Variants in GRK4 observed in about 807,000 individuals in gnomAD.
GRK4 encodes G protein-coupled receptor kinase 2-like.
In GRK4, 73 loss-of-function variants were observed where a neutral mutation model predicts 77.9. The observed-to-expected ratio is 0.94, with a 90% CI of 0.78 to 1.14. The LOEUF is 1.14. GRK4 is among the 50% of genes most tolerant of loss of function. The probability of loss-of-function intolerance (pLI) is 0.00; values close to 1 mark genes in which losing one functional copy is unlikely to be tolerated. For synonymous variants in GRK4, 257 were observed against 254.4 expected (o/e 1.01, Z -0.10); for missense variants, 729 against 700.2 (o/e 1.04, Z -0.46).
At chr4:3,035,651 TG>T in intron 13 of GRK4, 128 bp downstream of exon 13, 1 of 1,011,018 alleles carries the variant, frequency 9.9e-7, no homozygotes, top group Non-Finnish European at 1.4e-6. Flanking sequence ...CTTGCACTCC[TG>T]GCCTCAAGTG....
chr4:2,995,020 A>G (rs1727364938), intron 4 of GRK4, among the ~76,000 whole-genome samples: 1 of 152,152 alleles, frequency 6.6e-6, no homozygotes, highest in Non-Finnish European at 1.5e-5. Flanking sequence ...ACTCTTAAGT[A>G]AGAATATGTG....
intron 1 of GRK4, chr4:2,966,423 A>G (rs1221531901): frequency 1.3e-5 from 2 of 152,164 alleles, no homozygotes; most frequent in East Asian, 3.8e-4. Context: ...AAAAAAAAAA[A>G]AAAGAAAGTT....
intron 8 of GRK4, among the ~76,000 whole-genome samples, chr4:3,016,669 C>T (rs923509381): frequency 6.7e-6 from 1 of 149,880 alleles, no homozygotes; most frequent in Non-Finnish European, 1.5e-5. Context: ...CACTGCACTC[C>T]AGCCTGGGTG....
intron 2 of GRK4, among the ~76,000 whole-genome samples, chr4:2,987,476 G>T (rs745429569): frequency 2.0e-5 from 3 of 152,140 alleles, no homozygotes; most frequent in Non-Finnish European, 2.9e-5. Context: ...CAGTTCGGTG[G>T]CATTGAGTTG....
chr4:2,972,581 C>T (rs1719900557), intron 1 of GRK4, among the ~76,000 whole-genome samples: 1 of 152,004 alleles, frequency 6.6e-6, no homozygotes, highest in African/African-American at 2.4e-5. Flanking sequence ...CACTCTGTCC[C>T]TTAGACCAAG....
At chr4:3,013,629 G>T in intron 7 of GRK4, 59 bp from the exon 8 acceptor site, 2 of 1,555,582 alleles carry the variant, frequency 1.3e-6, no homozygotes, top group Non-Finnish European at 1.7e-6. Context: ...AGCTTCCTTT[G>T]TGTGGCCTAA....
chr4:2,973,783 A>G (rs1720299811), intron 1 of GRK4, among the ~76,000 whole-genome samples: 1 of 152,148 alleles, frequency 6.6e-6, no homozygotes, highest in Non-Finnish European at 1.5e-5. Context: ...GAGTGGTCCT[A>G]TTAAAATTTA....
At chr4:3,003,574 C>T (rs2109816847) in intron 4 of GRK4, among the ~76,000 whole-genome samples, 1 of 152,220 alleles carries the variant, frequency 6.6e-6, no homozygotes, top group Middle Eastern at 3.4e-3. Flanking sequence ...TTTTAAAAGG[C>T]TGAATAATAT....
chr4:2,984,046 A>G (rs1484690640), intron 1 of GRK4, among the ~76,000 whole-genome samples: 1 of 152,136 alleles, frequency 6.6e-6, no homozygotes, highest in East Asian at 1.9e-4. Flanking sequence ...CTCCCTCGAC[A>G]TGTGGGTATT....
At chr4:3,007,655 T>C (rs897676067) in intron 5 of GRK4, 81 bp from the exon 6 acceptor site, 2 of 751,100 alleles carry the variant, frequency 2.7e-6, no homozygotes, top group Non-Finnish European at 4.3e-6. Context: ...CCATATTCAG[T>C]GCCTATTAAT....
intron 1 of GRK4, among the ~76,000 whole-genome samples, chr4:2,978,193 C>T (rs931755990): frequency 6.6e-6 from 1 of 152,224 alleles, no homozygotes; most frequent in East Asian, 1.9e-4. Context: ...GGGAAAACAA[C>T]TTTCATCTTT....
Position 3,040,580 on chromosome 4 carries a change from G to A in GRK4, c.1692G>A (p.Leu564=). 1 of 1,610,018 alleles carries A rather than the reference G, an allele frequency of 6.2e-7. No individual in the cohort carries two copies. Among genetic ancestry groups the A allele is most frequent in the East Asian group, 2.2e-5 (1 of 44,788 alleles). ...FYRLFRRGGC[L]TMVPSEKEVE... ...GCCGCTGTGTGTTGTAGGGCTGCCT[G>A]ACCATGGTCCCCAGTGAGAAGGAAG... is the stretch of plus-strand genomic sequence containing the variant. The change falls in exon 16 of 16, where the codon CTG becomes CTA. Residue 564 remains leucine (L), a synonymous_variant. Coordinates refer to ENST00000398052, the MANE Select transcript of GRK4 (RefSeq NM_182982.3).
At chr4:2,983,321 T>C (rs539643088) in intron 1 of GRK4, among the ~76,000 whole-genome samples, 3 of 152,248 alleles carry the variant, frequency 2.0e-5, no homozygotes, top group East Asian at 3.9e-4. Context: ...GGTCCTGGAG[T>C]CTTAGTCACC....
At chr4:2,984,314 C>T (rs1210451523) in intron 1 of GRK4, among the ~76,000 whole-genome samples, 199 bp from the exon 2 acceptor site, 3 of 152,170 alleles carry the variant, frequency 2.0e-5, no homozygotes, top group Non-Finnish European at 2.9e-5. Context: ...GAGCTAGTGA[C>T]AGATTGCTTC....
intron 2 of GRK4, among the ~76,000 whole-genome samples, chr4:2,988,336 T>A (rs925217319): frequency 8.5e-5 from 13 of 152,194 alleles, no homozygotes; most frequent in African/African-American, 2.7e-4. Context: ...CATATTTTCA[T>A]GTGCTTATGG....
chr4:3,014,870 A>C (rs1734001321), intron 8 of GRK4, among the ~76,000 whole-genome samples: 1 of 152,016 alleles, frequency 6.6e-6, no homozygotes, highest in Admixed American at 6.6e-5. Flanking sequence ...CAAGTGATCC[A>C]CCTGCCTCAG....
chr4:3,014,393 C>A (rs1241656218), intron 8 of GRK4, among the ~76,000 whole-genome samples: 4 of 151,200 alleles, frequency 2.6e-5, no homozygotes, highest in African/African-American at 9.7e-5. Context: ...ACCTTCCAGG[C>A]CCAAGTGATC....
intron 12 of GRK4, among the ~76,000 whole-genome samples, chr4:3,035,106 A>G (rs1740225526): frequency 6.6e-6 from 1 of 152,048 alleles, no homozygotes; most frequent in Non-Finnish European, 1.5e-5. Context: ...TTAGCTGGGC[A>G]CGGTGGCGGG....
intron 8 of GRK4, among the ~76,000 whole-genome samples, chr4:3,016,276 G>A (rs1734465870): frequency 6.6e-6 from 1 of 151,112 alleles, no homozygotes; most frequent in Non-Finnish European, 1.5e-5. Context: ...CAGCACTTTG[G>A]GAGGCCAAGG....
Sources: gnomAD v4.1 joint callset for allele counts (sites outside exome capture counted in the v4.1 genomes callset) on GRCh38, gnomAD v4.1.1 for gene constraint, MANE v1.5 for transcripts, NCBI Gene and HGNC (gene_info 2026-07-23, HGNC 2026-07-21) for gene names.